TERT: variants seen among roughly 807,000 people sequenced by gnomAD.
TERT encodes the protein telomerase catalytic subunit.
In TERT, 42 loss-of-function variants were observed where a neutral mutation model predicts 104.0. The ratio of observed to expected loss-of-function variants is 0.40; its 90% CI spans 0.32 to 0.52. The LOEUF (loss-of-function observed/expected upper bound fraction) is 0.52. Ranked by LOEUF, TERT falls within the 20% of genes least tolerant of loss-of-function variation. The pLI is 0.43. For synonymous variants in TERT, 781 were observed against 725.6 expected, an observed-to-expected ratio of 1.08 and a Z score of -1.23; for missense variants, 1,101 against 1,610.3, an observed-to-expected ratio of 0.68 and a Z score of 5.41.
chr5:1,277,771 G>A (rs1326789228), intron 6 of TERT, among the ~76,000 whole-genome samples: 9 of 152,182 alleles, frequency 5.9e-5, no homozygotes, highest in African/African-American at 2.2e-4. Context: ...AAGTAGCTGC[G>A]ATAGCTCAAG....
intron 6 of TERT, among the ~76,000 whole-genome samples, chr5:1,277,684 C>T (rs963075695): frequency 1.2e-4 from 18 of 151,050 alleles, no homozygotes; most frequent in Non-Finnish European, 1.3e-4. Context: ...GTCTCCTGGG[C>T]TCTAGTGACT....
rs1750600679 is a variant in TERT at position 1,288,019 on chromosome 5, T to A, written c.1573+5294A>T. ...AAATGATAACTTAAAATACTCTACG[T>A]ATCTTGATACTCTACATATCTTGAA... On this transcript the variant is annotated intron_variant, in intron 2 of 15. Transcript: ENST00000310581. This position sits in a 1 kb window ranked among gnomAD's most constrained non-coding sequence, Gnocchi z 5.3. Among the ~76,000 whole-genome samples, 1 of 152,168 alleles carries A rather than the reference T, an allele frequency of 6.6e-6. No individual in the cohort carries two copies. The highest frequency in any genetic ancestry group is 1.5e-5 in the Non-Finnish European group (1 of 68,044).
chr5:1,254,622 G>A lies in TERT; in HGVS notation c.3158-117C>T, dbSNP rs146768975. The A allele has an allele frequency of 6.3e-4, 786 of 1,238,898 alleles. 8 individuals are homozygous for A. In the African/African-American group the frequency reaches 0.01, roughly 16 times the overall value. 76.7% of individuals were successfully genotyped at this position (1,238,898 alleles called of 1,614,324 possible). ...GGGTGGCTCCATCTCTGGCTGTCCC[G>A]ACCCAAGCACCGCAGGAGTCACGAC... On this transcript the variant is annotated intron_variant, in intron 14 of 15. Coordinates refer to ENST00000310581, the MANE Select transcript of TERT (RefSeq NM_198253.3).
chr5:1,267,195 A>G (rs1254105072), intron 9 of TERT, among the ~76,000 whole-genome samples: 1 of 152,244 alleles, frequency 6.6e-6, no homozygotes, highest in Non-Finnish European at 1.5e-5. Flanking sequence ...TGTACATGCT[A>G]TAATTGGAGC....
chr5:1,293,585 G>A lies in TERT; in HGVS notation c.1301C>T (p.Ser434Phe), dbSNP rs1751138304. Residue 434 changes from serine (S) to phenylalanine (F), a missense_variant, in exon 2 of 16, where the codon TCT becomes TTT. By Grantham distance (155) the Ser-to-Phe change is radical. Around this residue, in one of 5 missense-constraint regions of TERT, gnomAD observed 504 missense variants for 544.6 expected, o/e 0.93. Coordinates refer to ENST00000310581, the MANE Select transcript of TERT (RefSeq NM_198253.3). ...GTCCTCCTCCTCGGGGGCCGCCACA[G>A]AGCCCTGGGGCTTCTCCCGGGCACA... Reference protein sequence around the residue: ...GVCAREKPQGSVAAPEEEDTD... With the variant: ...GVCAREKPQGFVAAPEEEDTD... The A allele has an allele frequency of 6.5e-7, 1 of 1,545,824 alleles. No individual in the cohort carries two copies. The highest frequency in any genetic ancestry group is 1.4e-5 in the African/African-American group (1 of 72,976).
rs1378504685 is a variant in TERT at position 1,294,188 on chromosome 5, G to A, written c.698C>T (p.Pro233Leu). The change falls in exon 2 of 16, where the codon CCG (proline) becomes CTG (leucine). Residue 233 changes from proline to leucine, a missense_variant. Pro to Leu is a moderately conservative substitution (Grantham distance 98). This residue lies in a region of TERT where 504 missense variants were observed against 544.6 expected (regional missense o/e 0.93). Coordinates refer to ENST00000310581, the MANE Select transcript of TERT (RefSeq NM_198253.3). ...RRGGSASRSL[P>L]LPKRPRRGAA... is the part of the protein sequence containing the mutation. ...GCCACGCCTGGGCCTCTTGGGCAAC[G>A]GCAGACTTCGGCTGGCACTGCCCCC... The A allele has an allele frequency of 1.9e-6, 3 of 1,581,494 alleles. No homozygotes were observed. The highest frequency in any genetic ancestry group is 1.7e-6 in the Non-Finnish European group (2 of 1,168,312).
chr5:1,281,472 T>C (rs977214296), intron 3 of TERT, among the ~76,000 whole-genome samples: 3 of 152,238 alleles, frequency 2.0e-5, no homozygotes, highest in Non-Finnish European at 4.4e-5. Context: ...ACAGTCAGCC[T>C]GGGCGGGACA....
At position 1,288,586 on chromosome 5, in the gene TERT, C is replaced by T. The variant is rs556433474; in HGVS notation, c.1573+4727G>A. 3.3e-5 allele frequency among the ~76,000 whole-genome samples: 5 copies of T among 152,182 alleles called. No individual in the cohort carries two copies. The highest frequency in any genetic ancestry group is 2.1e-4 in the South Asian group (1 of 4,816). On this transcript the variant is annotated intron_variant, in intron 2 of 15. Transcript: ENST00000310581. This position sits in a 1 kb window ranked among gnomAD's most constrained non-coding sequence, Gnocchi z 5.3. ...CAGGTGCCCAGAATAAGGTGACAAG[C>T]GTTGCCACCCACCCAAGGGGGCCAA...
In TERT at chr5:1,289,299, C is replaced by A. The variant is rs1337716084; in HGVS notation, c.1573+4014G>T. Among the ~76,000 whole-genome samples, 4 of 144,400 alleles carry A rather than the reference C, an allele frequency of 2.8e-5. No homozygotes were observed. The South Asian group carries it at 6.8e-4, about 25-fold the overall frequency. The allele number at this position is 144,400 out of a possible 152,430, so 94.7% of individuals were successfully genotyped here. On this transcript the variant is annotated intron_variant, in intron 2 of 15. Transcript: ENST00000310581. ...TGAGAGGGACACCCAGGGACGGCGCCTCACTCACCCTACACGTGACAGAGA... is the reference window on the plus strand; with the variant it reads ...TGAGAGGGACACCCAGGGACGGCGCATCACTCACCCTACACGTGACAGAGA...
In TERT at chr5:1,269,830, C is replaced by T. The variant is rs35958533; in HGVS notation, c.2469-1197G>A. On this transcript the variant is annotated intron_variant, in intron 8 of 15. Coordinates refer to ENST00000310581, the MANE Select transcript of TERT (RefSeq NM_198253.3). The surrounding 1 kb of genome is among the most constrained non-coding windows in gnomAD (Gnocchi z 9.0). ...TTTTTGGGGCAACAGGTTTTGAAGA[C>T]GTTTTTATTCAGAGGCCAAACTGGA... 0.015 allele frequency among the ~76,000 whole-genome samples: 2,341 copies of T among 152,112 alleles called. 72 individuals are homozygous for T. Among genetic ancestry groups the T allele is most frequent in the African/African-American group, 0.054 (2,252 of 41,476 alleles).
At chr5:1,276,423 A>G (rs1749594763) in intron 6 of TERT, among the ~76,000 whole-genome samples, 1 of 137,664 alleles carries the variant, frequency 7.3e-6, no homozygotes, top group African/African-American at 2.8e-5. Context: ...ATCCCCACCT[A>G]CCCCACGGAT....
At chr5:1,279,084 C>A (rs1009196088) in intron 5 of TERT, among the ~76,000 whole-genome samples, 2 of 152,220 alleles carry the variant, frequency 1.3e-5, no homozygotes, top group African/African-American at 4.8e-5. Flanking sequence ...GGAGCCCGGG[C>A]AGTCAGGGTG....
intron 12 of TERT, among the ~76,000 whole-genome samples, chr5:1,259,610 G>A (rs1440712200): frequency 1.6e-5 from 2 of 126,470 alleles, no homozygotes; most frequent in Non-Finnish European, 3.2e-5. Flanking sequence ...GATGCCCACA[G>A]GAGAGGGGGA....
intron 3 of TERT, among the ~76,000 whole-genome samples, chr5:1,281,816 C>T (rs1266899729): frequency 2.6e-5 from 4 of 152,142 alleles, no homozygotes; most frequent in Non-Finnish European, 4.4e-5. Context: ...GGGCTGGGCA[C>T]GGTGGCTTAG....
In TERT at chr5:1,288,002, A is replaced by T. The variant is rs1189636684; in HGVS notation, c.1573+5311T>A. 6.6e-6 allele frequency among the ~76,000 whole-genome samples: 1 copy of T among 152,116 alleles called. No homozygotes were observed. Among genetic ancestry groups the T allele is most frequent in the African/African-American group, 2.4e-5 (1 of 41,440 alleles). On this transcript the variant is annotated intron_variant, in intron 2 of 15. Coordinates refer to ENST00000310581, the MANE Select transcript of TERT (RefSeq NM_198253.3). This position sits in a 1 kb window ranked among gnomAD's most constrained non-coding sequence, Gnocchi z 5.3. ...GTTAGAAATCAATAATAAAATGATA[A>T]CTTAAAATACTCTACGTATCTTGAT...
rs969776889 is a variant in TERT at position 1,270,563 on chromosome 5, G to C, written c.2468+556C>G. Among the ~76,000 whole-genome samples, 1 of 152,184 alleles carries C rather than the reference G, an allele frequency of 6.6e-6. No homozygotes were observed. Among genetic ancestry groups the C allele is most frequent in the Non-Finnish European group, 1.5e-5 (1 of 68,032 alleles). On this transcript the variant is annotated intron_variant, in intron 8 of 15. Transcript: ENST00000310581. This position sits in a 1 kb window ranked among gnomAD's most constrained non-coding sequence, Gnocchi z 8.3. Reference sequence around the variant, plus strand: ...GGCTGTGTGACGGCAGCTCTCCCAGGCCGCCTGCCCCATGGCCACCACAGG... The same window carrying C: ...GGCTGTGTGACGGCAGCTCTCCCAGCCCGCCTGCCCCATGGCCACCACAGG...
chr5:1,278,903 C>T, intron 5 of TERT, 107 bp from the exon 6 acceptor site: 2 of 1,472,570 alleles, frequency 1.4e-6, no homozygotes, highest in Non-Finnish European at 1.9e-6. Context: ...CTCTCTGACC[C>T]CCACCACTCC....
At position 1,292,658 on chromosome 5, in the gene TERT, A is replaced by C. The variant is rs1751069197; in HGVS notation, c.1573+655T>G. 6.6e-6 allele frequency among the ~76,000 whole-genome samples: 1 copy of C among 152,104 alleles called. No homozygotes were observed. The highest frequency in any genetic ancestry group is 1.5e-5 in the Non-Finnish European group (1 of 68,010). ...CTCCCAAGTAGCTGGGATTACAGGCACACACCACCATGCCCAGCTAATTTT... is the reference window on the plus strand; with the variant it reads ...CTCCCAAGTAGCTGGGATTACAGGCCCACACCACCATGCCCAGCTAATTTT... On this transcript the variant is annotated intron_variant, in intron 2 of 15. Transcript: ENST00000310581. The surrounding 1 kb of genome is among the most constrained non-coding windows in gnomAD (Gnocchi z 5.5).
chr5:1,254,413 G>A lies in TERT; in HGVS notation c.3250C>T (p.Arg1084Ter), dbSNP rs750951309. Reference sequence around the variant, plus strand: ...AGTGGCACGTAGGTGACACGGTGTCGAGTCAGCTTGAGCAGGAATGCTTGG... The same window carrying A: ...AGTGGCACGTAGGTGACACGGTGTCAAGTCAGCTTGAGCAGGAATGCTTGG... ...CHQAFLLKLT[R>*]HRVTYVPLLG... Residue 1084 changes from arginine (R) to a stop codon, truncating the protein, a stop_gained, in exon 15 of 16, where the codon CGA (arginine) becomes TGA (stop). Coordinates refer to ENST00000310581, the MANE Select transcript of TERT (RefSeq NM_198253.3). LOFTEE classifies it low-confidence loss of function (END_TRUNC). 1.9e-6 allele frequency: 3 copies of A among 1,613,184 alleles called. No individual in the cohort carries two copies. The highest frequency in any genetic ancestry group is 1.1e-5 in the South Asian group (1 of 91,082).
Sources: gnomAD v4.1 joint callset for allele counts (sites outside exome capture counted in the v4.1 genomes callset) on GRCh38, gnomAD v4.1.1 for gene constraint, gnomAD v4.1.1 regional missense constraint, Gnocchi (gnomAD v3.1) non-coding constraint, MANE v1.5 for transcripts, NCBI Gene and HGNC (gene_info 2026-07-23, HGNC 2026-07-21) for gene names.